Variants in UNC13C observed in about 807,000 individuals in gnomAD.
UNC13C encodes the protein unc-13 homolog C, also known as protein unc-13 homolog C.
UNC13C carries 174 observed loss-of-function variants against 245.4 expected under a neutral mutation model. The ratio of observed to expected loss-of-function variants is 0.71; its 90% confidence interval spans 0.63 to 0.80. The LOEUF (loss-of-function observed/expected upper bound fraction) is 0.80, where lower values mean the gene tolerates loss of function less well. Among genes scored for constraint, UNC13C ranks in the 30% least tolerant of loss-of-function variants. The pLI is 0.00. For missense variants in UNC13C, 2,829 were observed against 2,602.9 expected, an observed-to-expected ratio of 1.09 and a Z score of -1.89; for synonymous variants, 992 against 895.1, an observed-to-expected ratio of 1.11 and a Z score of -1.93.
At chr15:54,469,069 T>G (rs1892321472) in intron 19 of UNC13C, among the ~76,000 whole-genome samples, 1 of 151,598 alleles carries the variant, frequency 6.6e-6, no homozygotes, top group African/African-American at 2.4e-5. Context: ...AATCCATGAG[T>G]AAGGGATGTC....
intron 2 of UNC13C, among the ~76,000 whole-genome samples, chr15:54,046,423 G>A (rs1425938557): frequency 1.3e-5 from 2 of 151,836 alleles, no homozygotes; most frequent in Non-Finnish European, 2.9e-5. Context: ...CTATATTTTT[G>A]CCACTCAATT....
chr15:54,623,045 T>C lies in UNC13C; in HGVS notation c.6199+626T>C, dbSNP rs373965658. 2.4e-4 allele frequency among the ~76,000 whole-genome samples: 37 copies of C among 152,294 alleles called. No homozygotes were observed. The East Asian group carries it at 3.1e-3, about 13-fold the overall frequency. On this transcript the variant is annotated intron_variant, in intron 31 of 32. Transcript: ENST00000260323. ...ATATTTTAGAATAGATTATATACAG[T>C]AGTATATACTGTCAATTTCCTTAAA...
chr15:54,633,117 A>T (rs762310220), downstream of UNC13C: 4 of 152,230 alleles, frequency 2.6e-5, no homozygotes, highest in African/African-American at 9.7e-5. Context: ...GTGAGACGAG[A>T]TCACGCCATT....
chr15:53,994,787 T>C (rs1275904974), intron 1 of UNC13C, among the ~76,000 whole-genome samples: 1 of 152,080 alleles, frequency 6.6e-6, no homozygotes, highest in African/African-American at 2.4e-5. Context: ...GTCTGAAATA[T>C]TGCAGAACTT....
chr15:54,232,825 C>T (rs932327961), intron 4 of UNC13C, among the ~76,000 whole-genome samples: 1 of 152,072 alleles, frequency 6.6e-6, no homozygotes, highest in Non-Finnish European at 1.5e-5. Flanking sequence ...GTAGAAACTA[C>T]TTGGAATGAT....
At chr15:53,875,151 C>T in the UNC13C span, among the ~76,000 whole-genome samples, 2 of 152,084 alleles carry the variant, frequency 1.3e-5, no homozygotes, top group Non-Finnish European at 2.9e-5. Flanking sequence ...ATTTTAAGTA[C>T]ATTGAGCAGT....
chr15:54,045,046 C>T (rs7177138), intron 2 of UNC13C, among the ~76,000 whole-genome samples: 81,849 of 151,816 alleles, frequency 0.54, 22,332 homozygotes, highest in East Asian at 0.7. Context: ...TTCTTGATGG[C>T]GTCCTTTGAA....
chr15:53,848,347 C>T, the UNC13C span, among the ~76,000 whole-genome samples: 1 of 151,998 alleles, frequency 6.6e-6, no homozygotes, highest in African/African-American at 2.4e-5. Flanking sequence ...CATTTTCATT[C>T]ATTTAAAATA....
intron 2 of UNC13C, among the ~76,000 whole-genome samples, chr15:54,042,408 T>C (rs898203459): frequency 5.3e-5 from 8 of 152,168 alleles, no homozygotes; most frequent in Non-Finnish European, 1.0e-4. Flanking sequence ...ATACTGATAC[T>C]GCTAAGAACA....
intron 4 of UNC13C, among the ~76,000 whole-genome samples, chr15:54,202,006 G>A (rs1462875335): frequency 3.3e-5 from 5 of 151,860 alleles, no homozygotes; most frequent in Non-Finnish European, 7.4e-5. Context: ...TGGTAGCTCT[G>A]CTATACACCA....
At chr15:54,415,181 A>AGT in intron 19 of UNC13C, 114 bp downstream of exon 19, 3 of 736,334 alleles carry the variant, frequency 4.1e-6, no homozygotes, top group Non-Finnish European at 6.3e-6. Context: ...TACTGTGATC[A>AGT]GTTTAGTTCT....
At chr15:54,342,731 T>A (rs1289285833) in intron 17 of UNC13C, among the ~76,000 whole-genome samples, 1 of 152,198 alleles carries the variant, frequency 6.6e-6, no homozygotes, top group African/African-American at 2.4e-5. Flanking sequence ...CCAAACTGGA[T>A]TTTTAGCTAG....
intron 23 of UNC13C, among the ~76,000 whole-genome samples, chr15:54,509,930 T>C (rs188294974): frequency 6.6e-6 from 1 of 152,292 alleles, no homozygotes; most frequent in African/African-American, 2.4e-5. Context: ...TTTTTCTCTG[T>C]AGTCTAACTT....
At chr15:54,126,367 A>G (rs1220870673) in intron 2 of UNC13C, among the ~76,000 whole-genome samples, 3 of 152,226 alleles carry the variant, frequency 2.0e-5, no homozygotes, top group Non-Finnish European at 4.4e-5. Context: ...AAGCAAAGAA[A>G]ACTAACAAAG....
chr15:54,401,404 T>A (rs2040180629), intron 18 of UNC13C, among the ~76,000 whole-genome samples: 1 of 152,122 alleles, frequency 6.6e-6, no homozygotes, highest in Admixed American at 6.6e-5. Flanking sequence ...ATTAAACTCC[T>A]CCTACACACC....
the UNC13C span, among the ~76,000 whole-genome samples, chr15:53,919,221 A>C: frequency 6.6e-6 from 1 of 152,190 alleles, no homozygotes; most frequent in East Asian, 1.9e-4. Flanking sequence ...ATGGTGTCTC[A>C]ACTACTTTAA....
chr15:54,553,301 A>C (rs1896938258), intron 28 of UNC13C, among the ~76,000 whole-genome samples: 1 of 116,746 alleles, frequency 8.6e-6, no homozygotes, highest in Non-Finnish European at 1.6e-5. Flanking sequence ...ATTGTATTCT[A>C]TATTACAATA....
chr15:54,322,018 G>T lies in UNC13C; in HGVS notation c.4348G>T (p.Ala1450Ser). ...GAGCACCTTGCTGGCTAATATAAATGCTTTTTATGCTCACACAACAGTTTC... is the reference window on the plus strand; with the variant it reads ...GAGCACCTTGCTGGCTAATATAAATTCTTTTTATGCTCACACAACAGTTTC... ...VMSTLLANINAFYAHTTVSTN... is the reference protein window; with the variant it reads ...VMSTLLANINSFYAHTTVSTN... Residue 1450 changes from alanine (A) to serine (S), a missense_variant, in exon 14 of 33, where the codon GCT (alanine) becomes TCT (serine). Physicochemically the swap from Ala to Ser is moderately conservative, Grantham distance 99 (BLOSUM62 1). Transcript: ENST00000260323. 6.3e-7 allele frequency: 1 copy of T among 1,588,696 alleles called. No homozygotes were observed. Among genetic ancestry groups the T allele is most frequent in the Non-Finnish European group, 8.6e-7 (1 of 1,166,068 alleles).
At chr15:54,513,209 C>A (rs1471362484) in intron 24 of UNC13C, among the ~76,000 whole-genome samples, 1 of 152,030 alleles carries the variant, frequency 6.6e-6, no homozygotes, top group Non-Finnish European at 1.5e-5. Context: ...ACTTGAAGTC[C>A]ACTTAGCATT....
Sources: allele counts gnomAD v4.1 joint callset (sites outside exome capture counted in the v4.1 genomes callset), GRCh38; gene constraint gnomAD v4.1.1; transcripts MANE v1.5; gene names NCBI Gene and HGNC (gene_info 2026-07-23, HGNC 2026-07-21).